The following POU6F2 variants were observed in gnomAD, a reference collection of about 807,000 sequenced individuals.
The protein encoded by POU6F2 is POU domain, class 6, transcription factor 2.
Under a neutral mutation model 71.3 loss-of-function variants are expected in POU6F2, and 31 were observed. The observed-to-expected ratio is 0.43, with a 90% CI of 0.33 to 0.59. POU6F2 has a LOEUF of 0.59. Ranked by LOEUF, POU6F2 falls within the 20% of genes least tolerant of loss-of-function variation. The probability of loss-of-function intolerance (pLI) is 0.04; values close to 1 mark genes in which losing one functional copy is unlikely to be tolerated. For synonymous variants in POU6F2, 347 were observed against 355.7 expected (o/e 0.98, Z 0.27); for missense variants, 783 against 856.8 (o/e 0.91, Z 1.07).
At chr7:39,020,075 G>T (rs1425635222) in intron 1 of POU6F2, among the ~76,000 whole-genome samples, 1 of 152,092 alleles carries the variant, frequency 6.6e-6, no homozygotes, top group Admixed American at 6.6e-5. Flanking sequence ...GTGGAACCAG[G>T]AGCAAGTGAG....
At chr7:39,299,942 C>T (rs1441055039) in intron 4 of POU6F2, among the ~76,000 whole-genome samples, 2 of 152,198 alleles carry the variant, frequency 1.3e-5, no homozygotes, top group Non-Finnish European at 2.9e-5. Flanking sequence ...TGCCCCCAGC[C>T]AGGAGGCAGA....
intron 5 of POU6F2, among the ~76,000 whole-genome samples, chr7:39,383,842 T>C (rs1157953973): frequency 6.6e-6 from 1 of 152,234 alleles, no homozygotes; most frequent in Admixed American, 6.5e-5. Context: ...CTATAAGATC[T>C]GGGCAGCTTC....
At chr7:39,005,216 T>C (rs1789025070) in intron 1 of POU6F2, 1 of 152,302 alleles carries the variant, frequency 6.6e-6, no homozygotes, top group African/African-American at 2.4e-5. Context: ...AAGCCTGCTG[T>C]GAAAACAATC....
rs1794039487 is a variant in POU6F2 at position 39,207,446 on chromosome 7, G to A, written c.424G>A (p.Gly142Ser). 6.2e-7 allele frequency: 1 copy of A among 1,613,922 alleles called. No homozygotes were observed. The highest frequency in any genetic ancestry group is 8.5e-7 in the Non-Finnish European group (1 of 1,179,866). ...TGCTGTGGCCGGCGTGATGCCGGGAGGCCCCCCAGCCCTCAACCAGCCAAT... is the reference window on the plus strand; with the variant it reads ...TGCTGTGGCCGGCGTGATGCCGGGAAGCCCCCCAGCCCTCAACCAGCCAAT... ...ASAVAGVMPGGPPALNQPILI... is the reference protein window; with the variant it reads ...ASAVAGVMPGSPPALNQPILI... Residue 142 changes from glycine (G) to serine (S), a missense_variant, in exon 4 of 10, where the codon GGC (glycine) becomes AGC (serine). Coordinates refer to ENST00000518318, the MANE Select transcript of POU6F2 (RefSeq NM_001370959.1).
intron 6 of POU6F2, among the ~76,000 whole-genome samples, chr7:39,418,057 C>A (rs949719176): frequency 6.6e-6 from 1 of 152,148 alleles, no homozygotes; most frequent in African/African-American, 2.4e-5. Flanking sequence ...TGGTTTATTC[C>A]CATTATACAG....
At chr7:39,177,082 A>G (rs112105266) in intron 2 of POU6F2, among the ~76,000 whole-genome samples, 14 of 152,186 alleles carry the variant, frequency 9.2e-5, no homozygotes, top group African/African-American at 3.1e-4. Context: ...AGTTAACTGC[A>G]TTTTCTTATA....
chr7:39,129,835 G>A (rs1441356528), intron 2 of POU6F2, among the ~76,000 whole-genome samples: 6 of 151,948 alleles, frequency 3.9e-5, no homozygotes, highest in African/African-American at 1.5e-4. Context: ...AGGCCGAGGC[G>A]GGCAGACCAA....
rs116555678 is a variant in POU6F2 at position 39,122,575 on chromosome 7, C to T, written c.277+36544C>T. 6.0e-3 allele frequency among the ~76,000 whole-genome samples: 907 copies of T among 152,240 alleles called. 8 individuals are homozygous for T. Among genetic ancestry groups the T allele is most frequent in the African/African-American group, 0.021 (857 of 41,516 alleles). On this transcript the variant is annotated intron_variant, in intron 2 of 9. Transcript: ENST00000518318. ...GCAATCTAAGGAAGAAGGAATATTG[C>T]CTTTCCCTGATGCTCCATTTTCTGT...
At chr7:38,978,476 CCTT>C (rs886218126) in intron 1 of POU6F2, among the ~76,000 whole-genome samples, 14 of 152,080 alleles carry the variant, frequency 9.2e-5, no homozygotes, top group African/African-American at 2.7e-4. Context: ...TGTGCTCTCT[CCTT>C]CTCTCTTTCT....
chr7:39,131,852 A>G (rs985173492), intron 2 of POU6F2, among the ~76,000 whole-genome samples: 2 of 140,862 alleles, frequency 1.4e-5, no homozygotes, highest in Non-Finnish European at 1.6e-5. Context: ...TTTTTTTTTT[A>G]TGTTTTTAAA....
chr7:38,996,035 C>CTGTTTTTT (rs1788726151), intron 1 of POU6F2, among the ~76,000 whole-genome samples: 3 of 85,390 alleles, frequency 3.5e-5, no homozygotes, highest in East Asian at 4.8e-4. Context: ...AGGGGCTTGG[C>CTGTTTTTT]TTTTTTTTTT....
intron 5 of POU6F2, among the ~76,000 whole-genome samples, chr7:39,351,482 T>C (rs550218971): frequency 5.9e-5 from 9 of 152,352 alleles, no homozygotes; most frequent in Admixed American, 4.6e-4. Context: ...ATAGGGAAAG[T>C]AAATAATCCT....
At chr7:39,293,209 C>T (rs1269084876) in intron 4 of POU6F2, among the ~76,000 whole-genome samples, 3 of 152,046 alleles carry the variant, frequency 2.0e-5, no homozygotes, top group Non-Finnish European at 2.9e-5. Context: ...TTCTGGGGGG[C>T]CACCCTCCCT....
chr7:39,267,233 C>T (rs961419387), intron 4 of POU6F2, among the ~76,000 whole-genome samples: 5 of 152,254 alleles, frequency 3.3e-5, no homozygotes, highest in Admixed American at 1.3e-4. Flanking sequence ...CACACACAGA[C>T]GCCCATAAAA....
intron 4 of POU6F2, among the ~76,000 whole-genome samples, chr7:39,322,491 T>A (rs1232848226): frequency 6.6e-6 from 1 of 152,366 alleles, no homozygotes; most frequent in East Asian, 1.9e-4. Context: ...TTTAAGATTA[T>A]GATTTAATCT....
intron 1 of POU6F2, among the ~76,000 whole-genome samples, chr7:38,993,978 A>G (rs1055153685): frequency 1.3e-5 from 2 of 152,158 alleles, no homozygotes; most frequent in African/African-American, 4.8e-5. Context: ...ACTTGGTTGA[A>G]CAAACCTTTT....
chr7:39,220,555 G>T (rs1309721847), intron 4 of POU6F2, among the ~76,000 whole-genome samples: 1 of 152,126 alleles, frequency 6.6e-6, no homozygotes, highest in African/African-American at 2.4e-5. Flanking sequence ...TAATACAGAA[G>T]CTACATGGTC....
At chr7:39,156,549 C>T (rs888423390) in intron 2 of POU6F2, among the ~76,000 whole-genome samples, 2 of 152,066 alleles carry the variant, frequency 1.3e-5, no homozygotes, top group Admixed American at 1.3e-4. Context: ...TTGAGAGATA[C>T]TGCTTAAAGG....
intron 5 of POU6F2, among the ~76,000 whole-genome samples, chr7:39,395,376 T>C (rs192853979): frequency 1.6e-3 from 237 of 152,292 alleles, no homozygotes; most frequent in Non-Finnish European, 1.9e-3. Flanking sequence ...CCTGTTCCTC[T>C]CACCTTCTCA....
Sources: gnomAD v4.1 joint callset for allele counts (sites outside exome capture counted in the v4.1 genomes callset) on GRCh38, gnomAD v4.1.1 for gene constraint, MANE v1.5 for transcripts, NCBI Gene and HGNC (gene_info 2026-07-23, HGNC 2026-07-21) for gene names.